The following SWT1 variants were observed in gnomAD, a reference collection of about 807,000 sequenced individuals.
SWT1 encodes the protein SWT1 RNA endoribonuclease homolog.
A neutral mutation model predicts 107.3 loss-of-function variants in SWT1; 33 were observed. That is an observed-to-expected ratio of 0.31 (90% CI 0.23 to 0.41). The LOEUF (loss-of-function observed/expected upper bound fraction) is 0.41. Ranked by LOEUF, SWT1 falls within the 10% of genes least tolerant of loss-of-function variation. SWT1 has a pLI of 1.00. For missense variants in SWT1, 898 were observed against 1,028.9 expected (o/e 0.87, Z 1.74); for synonymous variants, 345 against 348.3 (o/e 0.99, Z 0.11).
intron 17 of SWT1, 56 bp from the exon 18 acceptor site, chr1:185,276,548 C>T: frequency 9.8e-7 from 1 of 1,023,032 alleles, no homozygotes; most frequent in East Asian, 2.5e-5. Context: ...TCTAATTTTG[C>T]TGTCATCACT....
chr1:185,187,432 C>T (rs1263244045), intron 9 of SWT1, among the ~76,000 whole-genome samples: 1 of 152,040 alleles, frequency 6.6e-6, no homozygotes, highest in Non-Finnish European at 1.5e-5. Flanking sequence ...CCCAATCAGA[C>T]ATTTGTTCTG....
intron 15 of SWT1, among the ~76,000 whole-genome samples, chr1:185,225,759 C>T (rs900675400): frequency 1.3e-5 from 2 of 152,132 alleles, no homozygotes; most frequent in Non-Finnish European, 2.9e-5. Flanking sequence ...TGCAATTGCC[C>T]AGCAGTGCAT....
intron 16 of SWT1, among the ~76,000 whole-genome samples, chr1:185,254,682 T>G (rs1662338675): frequency 6.6e-6 from 1 of 152,078 alleles, no homozygotes; most frequent in Non-Finnish European, 1.5e-5. Context: ...TTTTCTTTAT[T>G]AGTCTTGCTA....
chr1:185,207,290 GT>G (rs1658411271), intron 13 of SWT1, among the ~76,000 whole-genome samples: 1 of 152,176 alleles, frequency 6.6e-6, no homozygotes, highest in Non-Finnish European at 1.5e-5. Context: ...CAACTTAGTT[GT>G]TTTTTAAACT....
intron 16 of SWT1, among the ~76,000 whole-genome samples, chr1:185,261,660 C>T (rs534459710): frequency 1.4e-4 from 19 of 132,750 alleles, no homozygotes; most frequent in African/African-American, 6.1e-4. Context: ...TCACCAATGC[C>T]TGTGATTTTC....
At chr1:185,276,383 G>A (rs1468573297) in intron 17 of SWT1, among the ~76,000 whole-genome samples, 2 of 151,978 alleles carry the variant, frequency 1.3e-5, no homozygotes, top group South Asian at 2.1e-4. Flanking sequence ...CACCTCTGCT[G>A]GTTCTACTAA....
At chr1:185,210,232 C>A (rs1175330308) in intron 13 of SWT1, among the ~76,000 whole-genome samples, 6 of 152,148 alleles carry the variant, frequency 3.9e-5, no homozygotes, top group Admixed American at 3.3e-4. Context: ...TTAATTAGAT[C>A]CCATTTGTCA....
At chr1:185,245,725 G>A (rs935605875) in intron 16 of SWT1, among the ~76,000 whole-genome samples, 43 of 151,794 alleles carry the variant, frequency 2.8e-4, no homozygotes, top group Admixed American at 1.2e-3. Flanking sequence ...GGAATTTTTC[G>A]GCTCTAGTAT....
At chr1:185,223,950 A>G (rs1290508194) in intron 15 of SWT1, among the ~76,000 whole-genome samples, 1 of 152,160 alleles carries the variant, frequency 6.6e-6, no homozygotes, top group East Asian at 1.9e-4. Flanking sequence ...CCCTGTATAC[A>G]CCATGAAGTA....
intron 14 of SWT1, among the ~76,000 whole-genome samples, chr1:185,220,143 A>C (rs1659533935): frequency 6.7e-6 from 1 of 148,210 alleles, no homozygotes; most frequent in African/African-American, 2.5e-5. Flanking sequence ...TGTCTCAAAA[A>C]AAAAAAAAAA....
At chr1:185,242,184 TA>T (rs1306653185) in intron 16 of SWT1, among the ~76,000 whole-genome samples, 1 of 152,186 alleles carries the variant, frequency 6.6e-6, no homozygotes, top group Non-Finnish European at 1.5e-5. Context: ...TAAGAGCTTT[TA>T]TGGTATCTAT....
intron 13 of SWT1, among the ~76,000 whole-genome samples, chr1:185,209,198 G>A (rs944490339): frequency 2.6e-5 from 4 of 151,832 alleles, no homozygotes; most frequent in Non-Finnish European, 2.9e-5. Flanking sequence ...CCCCTCCTTC[G>A]TGCTATCCTG....
chr1:185,231,164 C>T (rs543611495), intron 15 of SWT1, among the ~76,000 whole-genome samples: 4 of 152,218 alleles, frequency 2.6e-5, no homozygotes, highest in South Asian at 2.1e-4. Context: ...TATTAATTTA[C>T]GATAAATTTC....
Position 185,214,607 on chromosome 1 carries a change from T to C in SWT1, c.2073T>C (p.Leu691=). 2.5e-6 allele frequency: 4 copies of C among 1,612,308 alleles called. No individual in the cohort carries two copies. Among genetic ancestry groups the C allele is most frequent in the Non-Finnish European group, 3.4e-6 (4 of 1,179,190 alleles). ...CAAGGTCAAATTATGATGGTATTCT[T>C]CCACAGACCTTTGCTCAAGTAAACA... ...FSTRSNYDGI[L]PQTFAQVNNL... The change falls in exon 14 of 19, where the codon CTT becomes CTC. Residue 691 remains leucine, a synonymous_variant. Coordinates refer to ENST00000367500, the MANE Select transcript of SWT1 (RefSeq NM_017673.7).
At chr1:185,204,641 A>G (rs973094119) in intron 11 of SWT1, 59 bp from the exon 12 acceptor site, 1 of 872,206 alleles carries the variant, frequency 1.1e-6, no homozygotes, top group Non-Finnish European at 1.7e-6. Flanking sequence ...TATACTAATT[A>G]TATGTATAAT....
intron 10 of SWT1, among the ~76,000 whole-genome samples, chr1:185,198,209 C>T: frequency 6.6e-6 from 1 of 152,260 alleles, no homozygotes; most frequent in Non-Finnish European, 1.5e-5. Flanking sequence ...GGTAGTCATT[C>T]AGGAGCAGGT....
intron 18 of SWT1, among the ~76,000 whole-genome samples, chr1:185,278,975 T>C (rs1022758401): frequency 6.6e-6 from 1 of 152,202 alleles, no homozygotes; most frequent in South Asian, 2.1e-4. Context: ...AGATGTAGGA[T>C]TGATAGTCAT....
At chr1:185,272,265 T>C (rs374327269) in intron 17 of SWT1, among the ~76,000 whole-genome samples, 30 of 152,366 alleles carry the variant, frequency 2.0e-4, no homozygotes, top group South Asian at 1.0e-3. Flanking sequence ...TCCTCATCAT[T>C]ACTGAACCGA....
intron 10 of SWT1, among the ~76,000 whole-genome samples, chr1:185,197,511 G>T (rs1287758589): frequency 6.6e-6 from 1 of 152,174 alleles, no homozygotes. Flanking sequence ...TCTATTGTTT[G>T]TAATAGTTTC....
Sources: allele counts gnomAD v4.1 joint callset (sites outside exome capture counted in the v4.1 genomes callset), GRCh38; gene constraint gnomAD v4.1.1; transcripts MANE v1.5; gene names NCBI Gene and HGNC (gene_info 2026-07-23, HGNC 2026-07-21).